The following PFN4 variants were observed in gnomAD, a reference collection of about 807,000 sequenced individuals.
The protein encoded by PFN4 is profilin-4.
PFN4 carries 10 observed loss-of-function variants against 16.3 expected under a neutral mutation model. That is an observed-to-expected ratio of 0.61 (90% confidence interval 0.38 to 1.04). The LOEUF is 1.04. Among genes scored for constraint, PFN4 ranks in the 50% least tolerant of loss-of-function variants. The pLI, the probability that PFN4 is intolerant of heterozygous loss-of-function variation, is 0.01. For missense variants in PFN4, 136 were observed against 153.6 expected (o/e 0.89, Z 0.61); for synonymous variants, 54 against 56.9 (o/e 0.95, Z 0.23).
chr2:24,119,523 C>A, intron 4 of PFN4, 54 bp downstream of exon 4: 1 of 1,306,094 alleles, frequency 7.7e-7, no homozygotes, highest in South Asian at 1.3e-5. Context: ...TACTCGTAGT[C>A]GGAAGACCCA....
intron 2 of PFN4, among the ~76,000 whole-genome samples, chr2:24,122,049 G>A (rs950940348): frequency 6.6e-6 from 1 of 152,104 alleles, no homozygotes; most frequent in African/African-American, 2.4e-5. Flanking sequence ...AGTCATGTCT[G>A]GGCTGGGCAC....
At chr2:24,123,490 G>A (rs1666196158), upstream of PFN4, 1 of 152,206 alleles carries the variant, frequency 6.6e-6, no homozygotes, top group Non-Finnish European at 1.5e-5. Flanking sequence ...GGAACCCGCG[G>A]CGCAGGGGGC....
At chr2:24,115,925 A>G (rs1055365092) in intron 4 of PFN4, among the ~76,000 whole-genome samples, 2 of 142,166 alleles carry the variant, frequency 1.4e-5, no homozygotes, top group African/African-American at 2.6e-5. Flanking sequence ...AAAAAAAAAA[A>G]GGATGAATAA....
intron 4 of PFN4, among the ~76,000 whole-genome samples, chr2:24,119,078 G>T (rs141535741): frequency 6.6e-6 from 1 of 152,076 alleles, no homozygotes; most frequent in East Asian, 1.9e-4. Flanking sequence ...CAACAAAGTG[G>T]CTGCCTGACT....
In PFN4 at chr2:24,121,186, C is replaced by T. The variant is rs2151008190; in HGVS notation, c.232G>A (p.Glu78Lys). The T allele has an allele frequency of 3.7e-6, 6 of 1,614,172 alleles. No homozygotes were observed. The South Asian group carries it at 6.6e-5, about 18-fold the overall frequency. ...GKDYRCVRAD[E>K]YSLYAKNENT... ...ACATTTTTGGCATAAAGAGAATATTCATCTGCCCGGACACATCTGTAATCT... is the reference window on the plus strand; with the variant it reads ...ACATTTTTGGCATAAAGAGAATATTTATCTGCCCGGACACATCTGTAATCT... Residue 78 changes from glutamate (E) to lysine (K), a missense_variant, in exon 3 of 5, where the codon GAA (glutamate) becomes AAA (lysine). Glu to Lys is a moderately conservative substitution (Grantham distance 56, BLOSUM62 1). Transcript: ENST00000313213.
At chr2:24,119,796 A>G (rs1666038679) in intron 3 of PFN4, 114 bp from the exon 4 acceptor site, 5 of 709,926 alleles carry the variant, frequency 7.0e-6, no homozygotes, top group Non-Finnish European at 1.2e-5. Flanking sequence ...TGGAATATAT[A>G]TGGAATATAC....
intron 4 of PFN4, among the ~76,000 whole-genome samples, chr2:24,116,607 C>T (rs1421736644): frequency 6.6e-6 from 1 of 152,146 alleles, no homozygotes; most frequent in East Asian, 1.9e-4. Flanking sequence ...ATAATCCCAG[C>T]ACTTTGGGAG....
intron 3 of PFN4, among the ~76,000 whole-genome samples, chr2:24,120,026 T>C (rs920529891): frequency 4.6e-5 from 7 of 152,108 alleles, no homozygotes; most frequent in African/African-American, 1.7e-4. Context: ...CCCAGCACTT[T>C]GGGAGGCCAA....
rs183055496 is a variant in PFN4, at chr2:24,121,115, G to A, written c.255+48C>T. ...TCAGGCAGAGCAAGGAAATTTGGAG[G>A]CAAATTCTTTTCTTTTACTCAGCTC... On this transcript the variant is annotated intron_variant, in intron 3 of 4. Coordinates refer to ENST00000313213, the MANE Select transcript of PFN4 (RefSeq NM_199346.3). The A allele has an allele frequency of 1.3e-4, 214 of 1,602,624 alleles. No individual in the cohort carries two copies. The African/African-American group carries it at 2.3e-3, about 17-fold the overall frequency.
Position 24,122,491 on chromosome 2 carries a change from G to A in PFN4, c.45C>T (p.Thr15=), listed in dbSNP as rs753655675. The A allele has an allele frequency of 2.3e-5, 37 of 1,614,116 alleles. No homozygotes were observed. The highest frequency in any genetic ancestry group is 1.1e-4 in the African/African-American group (8 of 75,040). The part of the protein sequence containing the change: ...QSLLLDTLLG[T]KHVDSAALIK... Reference sequence around the variant, plus strand: ...TGAGGGCTGCACTGTCCACATGCTTGGTTCCCAAGAGGGTGTCTAACAATA... The same window carrying A: ...TGAGGGCTGCACTGTCCACATGCTTAGTTCCCAAGAGGGTGTCTAACAATA... Residue 15 remains threonine (T), a synonymous_variant, in exon 2 of 5, where the codon ACC becomes ACT. Coordinates refer to ENST00000313213, the MANE Select transcript of PFN4 (RefSeq NM_199346.3).
At chr2:24,115,655 T>TA (rs1171837108) in intron 4 of PFN4, 44 bp from the exon 5 acceptor site, 2 of 1,587,138 alleles carry the variant, frequency 1.3e-6, no homozygotes, top group Non-Finnish European at 1.7e-6. Flanking sequence ...AGCTGCAAAT[T>TA]ATCACTACAA....
chr2:24,115,598 T>G lies in PFN4; in HGVS notation c.375A>C (p.Arg125Ser), dbSNP rs572726165. 98 of 1,612,828 alleles carry G rather than the reference T, an allele frequency of 6.1e-5. 1 individual carries two copies. The South Asian group carries it at 1.0e-3, about 16-fold the overall frequency. ...CTCTGATGACTTAACTTCCTTTTTT[T>G]CTTAGGTAGTCTCCTGAAAGCAAAC... Reference protein sequence around the residue: ...EATESLGDYLRKKGS With the variant: ...EATESLGDYLSKKGS The change falls in exon 5 of 5, where the codon AGA (arginine) becomes AGC (serine). Residue 125 changes from arginine (R) to serine (S), a missense_variant. Transcript: ENST00000313213.
chr2:24,122,504 G>A lies in PFN4; in HGVS notation c.32C>T (p.Thr11Ile), dbSNP rs765261361. ...GTCCACATGCTTGGTTCCCAAGAGG[G>A]TGTCTAACAATAAGCTCTGCAAATG... MSHLQSLLLD[T>I]LLGTKHVDSA... The change falls in exon 2 of 5, where the codon ACC (threonine) becomes ATC (isoleucine). Residue 11 changes from threonine to isoleucine, a missense_variant. Coordinates refer to ENST00000313213, the MANE Select transcript of PFN4 (RefSeq NM_199346.3). The A allele has an allele frequency of 1.9e-6, 3 of 1,614,064 alleles. No homozygotes were observed. Among genetic ancestry groups the A allele is most frequent in the Non-Finnish European group, 1.7e-6 (2 of 1,179,918 alleles).
chr2:24,118,426 C>T (rs947154087), intron 4 of PFN4, among the ~76,000 whole-genome samples: 3 of 152,182 alleles, frequency 2.0e-5, no homozygotes, highest in Non-Finnish European at 2.9e-5. Flanking sequence ...TCTGCTAGGC[C>T]GAAGTAATTC....
chr2:24,116,327 C>T (rs1665915774), intron 4 of PFN4, among the ~76,000 whole-genome samples: 1 of 151,934 alleles, frequency 6.6e-6, no homozygotes, highest in Admixed American at 6.6e-5. Context: ...AATTCTGTCT[C>T]CAAAACAAAA....
intron 3 of PFN4, among the ~76,000 whole-genome samples, chr2:24,120,650 G>A (rs1391914057): frequency 6.6e-6 from 1 of 152,052 alleles, no homozygotes; most frequent in Non-Finnish European, 1.5e-5. Flanking sequence ...CTGCCTTCTG[G>A]ATTCAAGAAA....
chr2:24,122,258 G>A (rs1324907279), intron 2 of PFN4, among the ~76,000 whole-genome samples, 161 bp downstream of exon 2: 1 of 151,890 alleles, frequency 6.6e-6, no homozygotes, highest in Admixed American at 6.6e-5. Context: ...CTTGAGAGGC[G>A]GAGGTTGCAG....
intron 4 of PFN4, among the ~76,000 whole-genome samples, chr2:24,117,034 G>A (rs921129966): frequency 2.3e-4 from 11 of 48,876 alleles, no homozygotes; most frequent in Non-Finnish European, 4.3e-4. Flanking sequence ...TTTTTTTTTT[G>A]AGACAGAGTC....
intron 4 of PFN4, among the ~76,000 whole-genome samples, chr2:24,117,340 C>T (rs1002999815): frequency 2.0e-5 from 3 of 151,998 alleles, no homozygotes; most frequent in African/African-American, 4.8e-5. Flanking sequence ...ACAGAAGTAG[C>T]ATAGCATCCT....
Sources: allele counts gnomAD v4.1 joint callset (sites outside exome capture counted in the v4.1 genomes callset), GRCh38; gene constraint gnomAD v4.1.1; transcripts MANE v1.5; gene names NCBI Gene and HGNC (gene_info 2026-07-23, HGNC 2026-07-21).